The following PHF11 variants were observed in gnomAD, a reference collection of about 807,000 sequenced individuals.
PHF11 encodes the protein PHD finger protein 11.
In PHF11, 38 loss-of-function variants were observed where a neutral mutation model predicts 40.5. The ratio of observed to expected loss-of-function variants is 0.94; its 90% CI spans 0.72 to 1.23. PHF11 has a LOEUF of 1.23. PHF11 is among the 50% of genes most tolerant of loss of function. The probability of loss-of-function intolerance (pLI) is 0.00; values close to 1 mark genes in which losing one functional copy is unlikely to be tolerated. For missense variants in PHF11, 369 were observed against 392.4 expected (o/e 0.94, Z 0.50); for synonymous variants, 127 against 138.2 (o/e 0.92, Z 0.57).
Position 49,526,384 on chromosome 13 carries a change from C to T in PHF11, c.770-3C>T. The T allele has an allele frequency of 6.3e-7, 1 of 1,598,152 alleles. No individual in the cohort carries two copies. Among genetic ancestry groups the T allele is most frequent in the Non-Finnish European group, 8.6e-7 (1 of 1,165,658 alleles). On this transcript the variant is annotated splice_polypyrimidine_tract_variant and splice_region_variant and intron_variant, in intron 8 of 9. Coordinates refer to ENST00000378319, the MANE Select transcript of PHF11 (RefSeq NM_001040443.3). ...AATATTGAAAATGTTTCTCTCCCTC[C>T]AGACTATGAAGAAATCGGGAGTGCA...
At chr13:49,507,451 C>G (rs141954993) in intron 2 of PHF11, among the ~76,000 whole-genome samples, 4 of 152,292 alleles carry the variant, frequency 2.6e-5, no homozygotes, top group Admixed American at 2.0e-4. Flanking sequence ...ACTAACAAGT[C>G]GTCATGAACA....
chr13:49,496,894 C>T (rs1311211578), intron 1 of PHF11, among the ~76,000 whole-genome samples: 1 of 129,064 alleles, frequency 7.7e-6, no homozygotes, highest in Non-Finnish European at 1.5e-5. Context: ...AGTGCAAAGG[C>T]GCTATCTCGG....
intron 2 of PHF11, among the ~76,000 whole-genome samples, chr13:49,511,993 G>A (rs896822599): frequency 1.3e-5 from 2 of 152,170 alleles, no homozygotes; most frequent in African/African-American, 4.8e-5. Flanking sequence ...CCTTAAAAGT[G>A]ATTGCATTAT....
chr13:49,503,847 C>T (rs1318857716), intron 1 of PHF11, among the ~76,000 whole-genome samples: 1 of 152,088 alleles, frequency 6.6e-6, no homozygotes, highest in Non-Finnish European at 1.5e-5. Flanking sequence ...ATTCTCGTGC[C>T]TCAGCCTCCC....
intron 3 of PHF11, among the ~76,000 whole-genome samples, chr13:49,516,880 C>T (rs1688833546): frequency 6.6e-6 from 1 of 152,180 alleles, no homozygotes; most frequent in Admixed American, 6.5e-5. Context: ...CCACCATGCC[C>T]AGCCTGTCAG....
At position 49,522,102 on chromosome 13, in the gene PHF11, G is replaced by C; in HGVS notation, c.565G>C (p.Val189Leu). The C allele has an allele frequency of 6.5e-7, 1 of 1,528,630 alleles. No homozygotes were observed. Among genetic ancestry groups the C allele is most frequent in the South Asian group, 1.1e-5 (1 of 87,896 alleles). The allele number at this position is 1,528,630 out of a possible 1,614,324, so 94.7% of individuals were successfully genotyped here. The change falls in exon 6 of 10, where the codon GTA (valine) becomes CTA (leucine). Residue 189 changes from valine (V) to leucine (L), a missense_variant. Val to Leu is a conservative substitution (Grantham distance 32, BLOSUM62 1). Transcript: ENST00000378319. ...GRKKPLSGNH[V>L]QPPETMKCNT... ...GAAGAAACCCCTCTCAGGCAATCAT[G>C]TACAGGTAATTTGACTTAGTTTTTA... is the stretch of plus-strand genomic sequence containing the variant.
At chr13:49,497,207 T>C (rs1280773618) in intron 1 of PHF11, 15 of 1,288,976 alleles carry the variant, frequency 1.2e-5, no homozygotes, top group African/African-American at 1.5e-5. Context: ...GGTATACATA[T>C]GGACTGTAAG....
At position 49,520,909 on chromosome 13, in the gene PHF11, A is replaced by C. The variant is rs1959184608; in HGVS notation, c.474A>C (p.Gln158His). The C allele has an allele frequency of 3.8e-6, 6 of 1,582,650 alleles. No homozygotes were observed. Among genetic ancestry groups the C allele is most frequent in the Non-Finnish European group, 5.2e-6 (6 of 1,157,522 alleles). The change falls in exon 5 of 10, where the codon CAA (glutamine) becomes CAC (histidine). Residue 158 changes from glutamine (Q) to histidine (H), a missense_variant. Transcript: ENST00000378319. ...VRGIYKLLCQ[Q>H]HAQFPIIAQS... Reference sequence around the variant, plus strand: ...AATATTTCAGACTGCTTTGCCAGCAACATGCTCAATTCCCGATCATCGCTC... The same window carrying C: ...AATATTTCAGACTGCTTTGCCAGCACCATGCTCAATTCCCGATCATCGCTC...
chr13:49,526,499 A>C, intron 9 of PHF11, 41 bp downstream of exon 9: 2 of 1,006,134 alleles, frequency 2.0e-6, no homozygotes. Context: ...TAGTTTTGAG[A>C]AATATTTATC....
chr13:49,516,452 AT>A (rs1203116059), intron 3 of PHF11, among the ~76,000 whole-genome samples: 1 of 149,368 alleles, frequency 6.7e-6, no homozygotes, highest in East Asian at 2.0e-4. Context: ...GCCAGTTACC[AT>A]TTTTCTGCAG....
intron 4 of PHF11, chr13:49,518,352 AC>A: frequency 3.8e-6 from 1 of 264,676 alleles, no homozygotes; most frequent in Non-Finnish European, 7.0e-6. Flanking sequence ...TATTTTAGTC[AC>A]AATATCTTGA....
At chr13:49,515,915 A>T (rs1959147125) in intron 3 of PHF11, among the ~76,000 whole-genome samples, 1 of 152,152 alleles carries the variant, frequency 6.6e-6, no homozygotes, top group Non-Finnish European at 1.5e-5. Flanking sequence ...CCCTTTGATC[A>T]TCCTGAGACT....
chr13:49,516,568 T>C (rs1052018099), intron 3 of PHF11, among the ~76,000 whole-genome samples: 7 of 150,738 alleles, frequency 4.6e-5, no homozygotes, highest in African/African-American at 1.5e-4. Context: ...AAAATGGAAG[T>C]TTAAAATTTT....
At position 49,526,041 on chromosome 13, in the gene PHF11, C is replaced by T. The variant is rs796160992; in HGVS notation, c.770-346C>T. 14 of 330,004 alleles carry T rather than the reference C, an allele frequency of 4.2e-5. 1 individual carries two copies. Among genetic ancestry groups the T allele is most frequent in the African/African-American group, 2.2e-4 (10 of 45,906 alleles). 20.4% of individuals were successfully genotyped at this position (330,004 alleles called of 1,614,324 possible). A position where few individuals can be genotyped will look rare whatever the true frequency, so the allele number is the denominator to read the frequency against. On this transcript the variant is annotated intron_variant, in intron 8 of 9. Coordinates refer to ENST00000378319, the MANE Select transcript of PHF11 (RefSeq NM_001040443.3). ...AAAATTAGCCGGGCGTGGCGGTGCG[C>T]GCCTGCAATCCCAACTACTTGGGAG...
chr13:49,523,341 C>G (rs907735495), intron 7 of PHF11, 100 bp downstream of exon 7: 2 of 744,744 alleles, frequency 2.7e-6, no homozygotes, highest in African/African-American at 1.8e-5. Flanking sequence ...AATCTTTATT[C>G]TTCTAGGCTT....
chr13:49,519,685 G>A (rs1484831898), intron 4 of PHF11, among the ~76,000 whole-genome samples: 1 of 69,874 alleles, frequency 1.4e-5, no homozygotes, highest in Non-Finnish European at 2.5e-5. Context: ...CATGAAAGGA[G>A]CTTGGCCTTG....
intron 9 of PHF11, chr13:49,527,256 G>A (rs1293144915): frequency 6.6e-6 from 1 of 152,086 alleles, no homozygotes; most frequent in African/African-American, 2.4e-5. Flanking sequence ...TATGAGTCTG[G>A]TCTGACTTCT....
intron 1 of PHF11, among the ~76,000 whole-genome samples, chr13:49,497,814 C>T (rs1958837886): frequency 6.6e-6 from 1 of 152,190 alleles, no homozygotes; most frequent in African/African-American, 2.4e-5. Flanking sequence ...CTTGTAGGTC[C>T]TCTAAGCCAC....
At position 49,528,906 on chromosome 13, in the gene PHF11, A is replaced by G; in HGVS notation, c.*241A>G. On this transcript the variant is annotated 3_prime_UTR_variant, in exon 10 of 10. Transcript: ENST00000378319. ...AATGTTTGTGGAATAAGTGCATAAA[A>G]TGTTCTTAACCTTTGATTCTACTTA... 2.6e-6 allele frequency: 1 copy of G among 379,460 alleles called. No individual in the cohort carries two copies. Among genetic ancestry groups the G allele is most frequent in the Non-Finnish European group, 4.7e-6 (1 of 212,706 alleles). The allele number at this position is 379,460 out of a possible 1,614,324, so 23.5% of individuals were successfully genotyped here.
Sources: gnomAD v4.1 joint callset for allele counts (sites outside exome capture counted in the v4.1 genomes callset) on GRCh38, gnomAD v4.1.1 for gene constraint, MANE v1.5 for transcripts, NCBI Gene and HGNC (gene_info 2026-07-23, HGNC 2026-07-21) for gene names.